Variants in SLC29A3 observed in about 807,000 individuals in gnomAD.
SLC29A3 encodes the protein equilibrative nucleoside transporter 3.
In SLC29A3, 18 loss-of-function variants were observed where a neutral mutation model predicts 25.4. That is an observed-to-expected ratio of 0.71 (90% confidence interval 0.49 to 1.05). SLC29A3 has a LOEUF of 1.05. Ranked by LOEUF, SLC29A3 falls within the 50% of genes least tolerant of loss-of-function variation. The pLI, the probability that SLC29A3 is intolerant of heterozygous loss-of-function variation, is 0.00. For missense variants in SLC29A3, 586 were observed against 609.0 expected (o/e 0.96, Z 0.40); for synonymous variants, 258 against 267.1 (o/e 0.97, Z 0.33).
chr10:71,321,516 A>G (rs1386534571), intron 1 of SLC29A3, among the ~76,000 whole-genome samples: 1 of 152,218 alleles, frequency 6.6e-6, no homozygotes, highest in East Asian at 1.9e-4. Context: ...CCTAGGTGCT[A>G]TGTAGAGCAA....
chr10:71,370,218 A>G (rs542627223), intron 3 of SLC29A3, among the ~76,000 whole-genome samples: 53 of 152,356 alleles, frequency 3.5e-4, no homozygotes, highest in Non-Finnish European at 6.8e-4. Flanking sequence ...ACATGCCTCA[A>G]GCCTGTCCTC....
downstream of SLC29A3, among the ~76,000 whole-genome samples, chr10:71,363,808 CTTTTCTT>C (rs1847135821): frequency 9.6e-6 from 1 of 103,720 alleles, no homozygotes; most frequent in Non-Finnish European, 2.0e-5. Flanking sequence ...TTTCCTTTTT[CTTTTCTT>C]TTTTTTTTTT....
chr10:71,375,383 A>T (rs1380368721), intron 3 of SLC29A3, among the ~76,000 whole-genome samples: 1 of 152,224 alleles, frequency 6.6e-6, no homozygotes, highest in Non-Finnish European at 1.5e-5. Flanking sequence ...TTCAATCCTG[A>T]TTACCCACAG....
At chr10:71,338,959 T>G (rs888077759) in intron 2 of SLC29A3, among the ~76,000 whole-genome samples, 4 of 152,182 alleles carry the variant, frequency 2.6e-5, no homozygotes, top group African/African-American at 9.7e-5. Flanking sequence ...TGATAGTGTT[T>G]GGGCTTGTGC....
chr10:71,337,572 G>A (rs373520611), intron 2 of SLC29A3, among the ~76,000 whole-genome samples: 2 of 152,226 alleles, frequency 1.3e-5, no homozygotes, highest in East Asian at 3.9e-4. Flanking sequence ...TCCTGGAGGT[G>A]GGGGCTGCAC....
chr10:71,345,859 T>C (rs1255319883), intron 3 of SLC29A3, among the ~76,000 whole-genome samples: 6 of 152,154 alleles, frequency 3.9e-5, no homozygotes, highest in East Asian at 1.9e-4. Context: ...ACAGCCGTGG[T>C]GGGGGGAGCC....
chr10:71,375,240 C>A (rs1439646074), intron 3 of SLC29A3, among the ~76,000 whole-genome samples: 1 of 152,060 alleles, frequency 6.6e-6, no homozygotes, highest in Admixed American at 6.5e-5. Context: ...GCTCCAAGGA[C>A]TACTGCGGCC....
At chr10:71,344,733 C>A (rs1008670143) in intron 3 of SLC29A3, among the ~76,000 whole-genome samples, 1 of 152,214 alleles carries the variant, frequency 6.6e-6, no homozygotes, top group Non-Finnish European at 1.5e-5. Context: ...CCACGAGAGG[C>A]TCCATCTGGA....
At chr10:71,371,531 G>A (rs1016387745) in intron 3 of SLC29A3, among the ~76,000 whole-genome samples, 1 of 152,146 alleles carries the variant, frequency 6.6e-6, no homozygotes, top group Non-Finnish European at 1.5e-5. Context: ...CAAGGTTTCC[G>A]AGCCCCTGGG....
chr10:71,322,739 C>T lies in SLC29A3; in HGVS notation c.2-17C>T, dbSNP rs80223748. 1,146 of 1,613,920 alleles carry T rather than the reference C, an allele frequency of 7.1e-4. 12 individuals carry two copies. In the African/African-American group the frequency reaches 0.014, roughly 20 times the overall value. On this transcript the variant is annotated splice_polypyrimidine_tract_variant and intron_variant, in intron 1 of 5. Coordinates refer to ENST00000373189, the MANE Select transcript of SLC29A3 (RefSeq NM_018344.6). ...TACTCACCTACCCTGTCTCTGTTGC[C>T]CTCCTTGCTCCAATAGTGGCCGTTG...
rs1293876580 is a variant in SLC29A3, at chr10:71,361,869, G to C, written c.774-85G>C. 2.6e-6 allele frequency: 4 copies of C among 1,530,502 alleles called. No homozygotes were observed. The African/African-American group carries it at 5.5e-5, about 21-fold the overall frequency. 94.8% of individuals were successfully genotyped at this position (1,530,502 alleles called of 1,614,324 possible). ...TGGGCTCTCCATGCTGGGCTGGAAGGTTCTGTTCTGAGTGCCCACCCCTGG... is the reference window on the plus strand; with the variant it reads ...TGGGCTCTCCATGCTGGGCTGGAAGCTTCTGTTCTGAGTGCCCACCCCTGG... On this transcript the variant is annotated intron_variant, in intron 5 of 5. Coordinates refer to ENST00000373189, the MANE Select transcript of SLC29A3 (RefSeq NM_018344.6).
rs184831199 is a variant in SLC29A3, at chr10:71,371,339, T to C, written c.*95-4356T>C. 5.0e-3 allele frequency among the ~76,000 whole-genome samples: 754 copies of C among 152,270 alleles called. 7 individuals carry two copies. Among genetic ancestry groups the C allele is most frequent in the South Asian group, 0.022 (106 of 4,804 alleles). On this transcript the variant is annotated intron_variant and NMD_transcript_variant, in intron 3 of 4. Coordinates refer to the SLC29A3 transcript ENST00000642772. ...TTGGAGTTTAACCAGGGCAGAATGT[T>C]CTCATGGCTCTAGACTTCTGATGTC...
At chr10:71,325,439 A>C (rs981242788) in intron 2 of SLC29A3, among the ~76,000 whole-genome samples, 1 of 152,252 alleles carries the variant, frequency 6.6e-6, no homozygotes, top group East Asian at 1.9e-4. Context: ...ATGAAAAGGA[A>C]TAAAAATACC....
intron 4 of SLC29A3, among the ~76,000 whole-genome samples, chr10:71,355,510 T>A (rs904161142): frequency 6.8e-4 from 104 of 152,136 alleles, no homozygotes; most frequent in African/African-American, 2.5e-3. Flanking sequence ...CGCCTTGGGG[T>A]ACACAGTAGG....
At chr10:71,325,190 G>A (rs767645416) in intron 2 of SLC29A3, among the ~76,000 whole-genome samples, 3 of 152,160 alleles carry the variant, frequency 2.0e-5, no homozygotes, top group South Asian at 2.1e-4. Flanking sequence ...CCTTGGCCTC[G>A]CCCTGAGGAG....
At chr10:71,332,750 C>T (rs554322364) in intron 2 of SLC29A3, among the ~76,000 whole-genome samples, 5 of 152,304 alleles carry the variant, frequency 3.3e-5, no homozygotes, top group East Asian at 3.9e-4. Flanking sequence ...ATTCTAACTG[C>T]GGGCCCAGCC....
At chr10:71,353,405 A>T (rs1237593251) in intron 4 of SLC29A3, among the ~76,000 whole-genome samples, 3 of 152,176 alleles carry the variant, frequency 2.0e-5, no homozygotes, top group African/African-American at 7.2e-5. Context: ...GGAGGCTCTT[A>T]TCCCCTTAGT....
rs377083165 is a variant in SLC29A3 at position 71,348,998 on chromosome 10, A to T, written c.384-2564A>T. On this transcript the variant is annotated intron_variant, in intron 3 of 5. Coordinates refer to ENST00000373189, the MANE Select transcript of SLC29A3 (RefSeq NM_018344.6). ...CCAGTGTGGAGCATGGCTGAGCAGG[A>T]GGGAGCTGGGGTATTTATGTACCAA... Among the ~76,000 whole-genome samples the T allele has an allele frequency of 7.2e-5, 11 of 152,130 alleles. No individual in the cohort carries two copies. The East Asian group carries it at 9.7e-4, about 13-fold the overall frequency.
chr10:71,367,216 G>A (rs1323100203), downstream of SLC29A3, among the ~76,000 whole-genome samples: 1 of 152,012 alleles, frequency 6.6e-6, no homozygotes, highest in Non-Finnish European at 1.5e-5. Context: ...GGTAGAGCCT[G>A]GAGATGATAG....
Sources: gnomAD v4.1 joint callset for allele counts (sites outside exome capture counted in the v4.1 genomes callset) on GRCh38, gnomAD v4.1.1 for gene constraint, MANE v1.5 for transcripts, NCBI Gene and HGNC (gene_info 2026-07-23, HGNC 2026-07-21) for gene names.